Variants in MARK1 observed in about 807,000 individuals in gnomAD.
MARK1 encodes microtubule affinity regulating kinase 1.
In MARK1, 40 loss-of-function variants were observed where a neutral mutation model predicts 96.3. The ratio of observed to expected loss-of-function variants is 0.42; its 90% CI spans 0.32 to 0.54. The LOEUF is 0.54. Ranked by LOEUF, MARK1 falls within the 20% of genes least tolerant of loss-of-function variation. The probability of loss-of-function intolerance (pLI) is 0.16; values close to 1 mark genes in which losing one functional copy is unlikely to be tolerated. For synonymous variants in MARK1, 317 were observed against 341.2 expected, an observed-to-expected ratio of 0.93 and a Z score of 0.78; for missense variants, 719 against 984.6, an observed-to-expected ratio of 0.73 and a Z score of 3.61.
intron 1 of MARK1, among the ~76,000 whole-genome samples, chr1:220,571,281 A>G (rs1663433432): frequency 6.6e-6 from 1 of 152,222 alleles, no homozygotes; most frequent in African/African-American, 2.4e-5. Flanking sequence ...GTGCGTGACA[A>G]CTTAAAAGCT....
Position 220,533,156 on chromosome 1 carries a change from C to G in MARK1, c.51+4283C>G, listed in dbSNP as rs1423440566. Among the ~76,000 whole-genome samples, 5 of 152,162 alleles carry G rather than the reference C, an allele frequency of 3.3e-5. No homozygotes were observed. The East Asian group carries it at 9.6e-4, about 29-fold the overall frequency. ...GTGCCTTGCACTTGTCCCTTCATAT[C>G]AAATTTACAAATCCTTTATGGCTTG... On this transcript the variant is annotated intron_variant, in intron 1 of 17. Coordinates refer to ENST00000366917, the MANE Select transcript of MARK1 (RefSeq NM_018650.5).
chr1:220,616,212 A>G (rs1311935267), intron 7 of MARK1, among the ~76,000 whole-genome samples: 1 of 152,198 alleles, frequency 6.6e-6, no homozygotes, highest in African/African-American at 2.4e-5. Flanking sequence ...TTTAGAAGTT[A>G]GACGATTTGA....
rs528818507 is a variant in MARK1, at chr1:220,588,427, A to G, written c.309+7309A>G. Among the ~76,000 whole-genome samples, 505 of 152,322 alleles carry G rather than the reference A, an allele frequency of 3.3e-3. 1 individual carries two copies. Among genetic ancestry groups the G allele is most frequent in the South Asian group, 6.0e-3 (29 of 4,824 alleles). Reference sequence around the variant, plus strand: ...GAATATTTCCTTCTATTACTTTGCAATGAATAATTGGCTGCAAGTTATCAA... The same window carrying G: ...GAATATTTCCTTCTATTACTTTGCAGTGAATAATTGGCTGCAAGTTATCAA... On this transcript the variant is annotated intron_variant, in intron 3 of 17. Coordinates refer to ENST00000366917, the MANE Select transcript of MARK1 (RefSeq NM_018650.5).
intron 1 of MARK1, among the ~76,000 whole-genome samples, chr1:220,553,777 G>C (rs1662045355): frequency 8.5e-6 from 1 of 117,728 alleles, no homozygotes; most frequent in African/African-American, 3.2e-5. Flanking sequence ...GCATACCTTT[G>C]CTCCAAAATC....
chr1:220,563,301 C>CA (rs369158927), intron 1 of MARK1, among the ~76,000 whole-genome samples: 1,709 of 149,946 alleles, frequency 0.011, 16 homozygotes, highest in Non-Finnish European at 0.018. Flanking sequence ...AAAGAAAAGC[C>CA]AAAAAAAAAT....
At chr1:220,603,698 G>A (rs1162709679) in intron 5 of MARK1, among the ~76,000 whole-genome samples, 1 of 151,946 alleles carries the variant, frequency 6.6e-6, no homozygotes, top group Non-Finnish European at 1.5e-5. Context: ...TTGAAACGTA[G>A]GCCCCAAATA....
At chr1:220,565,892 C>T (rs1663019299) in intron 1 of MARK1, among the ~76,000 whole-genome samples, 1 of 152,130 alleles carries the variant, frequency 6.6e-6, no homozygotes. Context: ...CACTCAGCCC[C>T]AAGAGGAATC....
intron 1 of MARK1, among the ~76,000 whole-genome samples, chr1:220,555,713 C>T (rs372794249): frequency 2.0e-5 from 3 of 152,092 alleles, no homozygotes; most frequent in Non-Finnish European, 2.9e-5. Context: ...AGTGCCTATT[C>T]GATATCCATA....
intron 1 of MARK1, among the ~76,000 whole-genome samples, chr1:220,557,870 C>CTA (rs756897853): frequency 5.8e-4 from 88 of 152,158 alleles, no homozygotes; most frequent in Non-Finnish European, 9.1e-4. Context: ...TGGCTCACAC[C>CTA]TATAATCCCA....
At chr1:220,592,266 T>TATTATATTA in intron 3 of MARK1, among the ~76,000 whole-genome samples, 1 of 148,298 alleles carries the variant, frequency 6.7e-6, no homozygotes, top group East Asian at 2.0e-4. Context: ...TATTATATTA[T>TATTATATTA]ATTATACTAT....
intron 6 of MARK1, among the ~76,000 whole-genome samples, chr1:220,605,481 A>ATTTAT (rs368555141): frequency 0.025 from 3,800 of 151,300 alleles, 145 homozygotes; most frequent in African/African-American, 0.085. Flanking sequence ...TTAAATTTTT[A>ATTTAT]TTTATTTTAT....
In MARK1 at chr1:220,605,022, CA is replaced by C. The variant is rs928427477; in HGVS notation, c.495+886del. 1.3e-5 allele frequency among the ~76,000 whole-genome samples: 2 copies of C among 152,040 alleles called. 1 individual carries two copies. Among genetic ancestry groups the C allele is most frequent in the Non-Finnish European group, 2.9e-5 (2 of 67,994 alleles). On this transcript the variant is annotated intron_variant, in intron 6 of 17. Transcript: ENST00000366917. ...TCTACAATTAAAGAGGTTCTGTAATCAGTATGTTCGGAAAAGACCAAATACT... is the reference window on the plus strand; with the variant it reads ...TCTACAATTAAAGAGGTTCTGTAATCGTATGTTCGGAAAAGACCAAATACT...
At chr1:220,579,025 A>G (rs1305185831) in intron 1 of MARK1, among the ~76,000 whole-genome samples, 2 of 151,928 alleles carry the variant, frequency 1.3e-5, no homozygotes, top group Non-Finnish European at 2.9e-5. Flanking sequence ...GTGTTTTTGT[A>G]GAGATGGGGT....
chr1:220,537,334 C>A (rs951073243), intron 1 of MARK1, among the ~76,000 whole-genome samples: 2 of 147,032 alleles, frequency 1.4e-5, no homozygotes, highest in African/African-American at 5.1e-5. Flanking sequence ...TGAGAACATG[C>A]GGTGTTTGGT....
At chr1:220,584,940 C>A (rs1664497759) in intron 3 of MARK1, among the ~76,000 whole-genome samples, 1 of 152,168 alleles carries the variant, frequency 6.6e-6, no homozygotes, top group African/African-American at 2.4e-5. Context: ...CTGAGTACTT[C>A]TTTCATACAG....
Position 220,653,045 on chromosome 1 carries a change from A to T in MARK1, c.1737-56A>T, listed in dbSNP as rs1668968108. The T allele has an allele frequency of 1.1e-5, 18 of 1,591,616 alleles. No homozygotes were observed. The South Asian group carries it at 1.8e-4, about 16-fold the overall frequency. On this transcript the variant is annotated intron_variant, in intron 15 of 17. Coordinates refer to ENST00000366917, the MANE Select transcript of MARK1 (RefSeq NM_018650.5). ...CTATTTGTTTCAAGTTTTTAGCTTGAGTGAAAGGTTTTCTTGTCATTATTC... is the reference window on the plus strand; with the variant it reads ...CTATTTGTTTCAAGTTTTTAGCTTGTGTGAAAGGTTTTCTTGTCATTATTC...
chr1:220,574,924 C>G (rs1057145836), intron 1 of MARK1, among the ~76,000 whole-genome samples: 4 of 152,162 alleles, frequency 2.6e-5, no homozygotes, highest in African/African-American at 9.7e-5. Flanking sequence ...ACAGCCCTAC[C>G]TTCAGGTCTA....
intron 13 of MARK1, among the ~76,000 whole-genome samples, chr1:220,640,352 G>T (rs1668199603): frequency 6.6e-6 from 1 of 152,218 alleles, no homozygotes; most frequent in South Asian, 2.1e-4. Flanking sequence ...TTATAAGTAT[G>T]ATTCTATTGA....
chr1:220,529,637 T>C (rs1660173458), intron 1 of MARK1, among the ~76,000 whole-genome samples: 1 of 152,188 alleles, frequency 6.6e-6, no homozygotes, highest in South Asian at 2.1e-4. Flanking sequence ...AAGGTGCACA[T>C]CTTTAAAGGA....
Sources: allele counts gnomAD v4.1 joint callset (sites outside exome capture counted in the v4.1 genomes callset), GRCh38; gene constraint gnomAD v4.1.1; transcripts MANE v1.5; gene names NCBI Gene and HGNC (gene_info 2026-07-23, HGNC 2026-07-21).